The following FSTL5 variants were observed in gnomAD, a reference collection of about 807,000 sequenced individuals.
The protein encoded by FSTL5 is follistatin-related protein 5.
Under a neutral mutation model 89.1 loss-of-function variants are expected in FSTL5, and 62 were observed. The ratio of observed to expected loss-of-function variants is 0.70; its 90% CI spans 0.57 to 0.86. The LOEUF is 0.86. FSTL5 is among the 40% of genes least tolerant of loss of function. The pLI is 0.00. For missense variants in FSTL5, 1,057 were observed against 1,001.6 expected, an observed-to-expected ratio of 1.06 and a Z score of -0.75; for synonymous variants, 383 against 346.2, an observed-to-expected ratio of 1.11 and a Z score of -1.18.
At chr4:161,790,655 C>T (rs371334915) in intron 4 of FSTL5, among the ~76,000 whole-genome samples, 1 of 152,172 alleles carries the variant, frequency 6.6e-6, no homozygotes, top group African/African-American at 2.4e-5. Flanking sequence ...CAGCTAATAA[C>T]ATTTAAAAAG....
chr4:162,066,953 T>G (rs375881462), intron 2 of FSTL5, among the ~76,000 whole-genome samples: 18 of 152,254 alleles, frequency 1.2e-4, no homozygotes, highest in African/African-American at 4.1e-4. Context: ...TACCCAGTAA[T>G]GGGATTGCTG....
intron 3 of FSTL5, among the ~76,000 whole-genome samples, chr4:161,960,233 CT>C (rs1406695142): frequency 6.8e-6 from 1 of 146,714 alleles, no homozygotes; most frequent in Non-Finnish European, 1.5e-5. Flanking sequence ...ATGGCACAAT[CT>C]CGACTCACTG....
intron 6 of FSTL5, among the ~76,000 whole-genome samples, chr4:161,668,463 C>T (rs957396347): frequency 6.6e-6 from 1 of 152,108 alleles, no homozygotes; most frequent in Non-Finnish European, 1.5e-5. Flanking sequence ...GTATCAATCC[C>T]CTACAATCTC....
At chr4:161,818,781 AC>A (rs1286459082) in intron 4 of FSTL5, among the ~76,000 whole-genome samples, 2 of 152,108 alleles carry the variant, frequency 1.3e-5, no homozygotes, top group African/African-American at 4.8e-5. Flanking sequence ...ACTGAAAAAA[AC>A]CTCTTCTCAG....
Position 161,920,397 on chromosome 4 carries a change from C to T in FSTL5, c.409+7G>A. The stretch of plus-strand genomic sequence containing the variant: ...GGGGTGACACTTAAGGTTCACCCTT[C>T]ATTTACCTTTAAAGAAGCAGTCTTC... On this transcript the variant is annotated splice_region_variant and intron_variant, in intron 4 of 15. Coordinates refer to ENST00000306100, the MANE Select transcript of FSTL5 (RefSeq NM_020116.5). 1 of 1,613,052 alleles carries T rather than the reference C, an allele frequency of 6.2e-7. No individual in the cohort carries two copies. The highest frequency in any genetic ancestry group is 8.5e-7 in the Non-Finnish European group (1 of 1,179,422).
chr4:161,882,390 G>T (rs891455488), intron 4 of FSTL5, among the ~76,000 whole-genome samples: 8 of 152,046 alleles, frequency 5.3e-5, no homozygotes, highest in African/African-American at 1.9e-4. Context: ...GCAGATTACT[G>T]GGAAACTTCA....
intron 8 of FSTL5, among the ~76,000 whole-genome samples, chr4:161,563,315 G>C (rs1351203166): frequency 6.6e-6 from 1 of 151,972 alleles, no homozygotes; most frequent in African/African-American, 2.4e-5. Context: ...TATATATCCA[G>C]AAGTGGAACT....
chr4:161,843,493 T>A (rs1731274252), intron 4 of FSTL5, among the ~76,000 whole-genome samples: 1 of 152,136 alleles, frequency 6.6e-6, no homozygotes, highest in Non-Finnish European at 1.5e-5. Flanking sequence ...TAAGTTGTAT[T>A]CCTAGGTATT....
At chr4:161,460,233 T>G (rs1733510611) in intron 13 of FSTL5, among the ~76,000 whole-genome samples, 1 of 152,074 alleles carries the variant, frequency 6.6e-6, no homozygotes, top group Non-Finnish European at 1.5e-5. Flanking sequence ...TCTTTTTTCT[T>G]TTCTTTTTTA....
chr4:161,480,977 T>C (rs766312402), intron 13 of FSTL5, 43 bp downstream of exon 13: 3 of 1,360,482 alleles, frequency 2.2e-6, no homozygotes, highest in Non-Finnish European at 3.1e-6. Flanking sequence ...GATATAAATA[T>C]TTTTTAAAGA....
At chr4:161,460,381 C>A (rs1733519740) in intron 13 of FSTL5, among the ~76,000 whole-genome samples, 1 of 70,528 alleles carries the variant, frequency 1.4e-5, no homozygotes, top group Non-Finnish European at 2.9e-5. Context: ...AATGCTATCC[C>A]TCCCCCCTCC....
intron 7 of FSTL5, among the ~76,000 whole-genome samples, chr4:161,599,278 A>G (rs1734144643): frequency 6.6e-6 from 1 of 152,172 alleles, no homozygotes; most frequent in South Asian, 2.1e-4. Context: ...TAGATTTACA[A>G]AACTAAAATG....
At chr4:161,696,800 T>A (rs1738186731) in intron 6 of FSTL5, among the ~76,000 whole-genome samples, 1 of 152,226 alleles carries the variant, frequency 6.6e-6, no homozygotes, top group Non-Finnish European at 1.5e-5. Flanking sequence ...ACATTAATTT[T>A]GTATCTTGAA....
chr4:161,828,285 CTT>C (rs1320197801), intron 4 of FSTL5, among the ~76,000 whole-genome samples: 1 of 152,146 alleles, frequency 6.6e-6, no homozygotes, highest in African/African-American at 2.4e-5. Context: ...CACTTTCACT[CTT>C]TGAGCATTTA....
At chr4:161,854,092 A>C (rs192154242) in intron 4 of FSTL5, among the ~76,000 whole-genome samples, 1 of 152,184 alleles carries the variant, frequency 6.6e-6, no homozygotes, top group Non-Finnish European at 1.5e-5. Flanking sequence ...ATAACTTTAA[A>C]GGCAAGTTTA....
At chr4:162,088,613 CTG>C (rs1730415957) in intron 2 of FSTL5, among the ~76,000 whole-genome samples, 1 of 151,980 alleles carries the variant, frequency 6.6e-6, no homozygotes, top group Non-Finnish European at 1.5e-5. Flanking sequence ...AAATACATAA[CTG>C]TAAGTTAGCT....
chr4:161,953,400 G>T (rs1166398384), intron 3 of FSTL5, among the ~76,000 whole-genome samples: 1 of 151,432 alleles, frequency 6.6e-6, no homozygotes, highest in Non-Finnish European at 1.5e-5. Flanking sequence ...AAGTTGTAAT[G>T]AGTTATGGTT....
At chr4:162,057,796 T>A (rs918844048) in intron 2 of FSTL5, among the ~76,000 whole-genome samples, 2 of 151,424 alleles carry the variant, frequency 1.3e-5, no homozygotes, top group Admixed American at 1.3e-4. Context: ...ATACAAAAAT[T>A]AGTCGGGTGT....
intron 4 of FSTL5, among the ~76,000 whole-genome samples, chr4:161,816,152 A>G (rs1730320457): frequency 6.6e-6 from 1 of 152,100 alleles, no homozygotes; most frequent in Admixed American, 6.6e-5. Flanking sequence ...CTGACTCTGG[A>G]CCCTGGCAAA....
Sources: gnomAD v4.1 joint callset for allele counts (sites outside exome capture counted in the v4.1 genomes callset) on GRCh38, gnomAD v4.1.1 for gene constraint, MANE v1.5 for transcripts, NCBI Gene and HGNC (gene_info 2026-07-23, HGNC 2026-07-21) for gene names.